SYNDIG1: variants seen among roughly 807,000 people sequenced by gnomAD.
SYNDIG1 encodes synapse differentiation inducing 1.
A neutral mutation model predicts 19.4 loss-of-function variants in SYNDIG1; 9 were observed. The observed-to-expected ratio is 0.46, with a 90% CI of 0.28 to 0.81. The LOEUF (loss-of-function observed/expected upper bound fraction) is 0.81. SYNDIG1 is among the 30% of genes least tolerant of loss of function. The pLI, the probability that SYNDIG1 is intolerant of heterozygous loss-of-function variation, is 0.12. For synonymous variants in SYNDIG1, 141 were observed against 145.9 expected, an observed-to-expected ratio of 0.97 and a Z score of 0.24; for missense variants, 311 against 343.3, an observed-to-expected ratio of 0.91 and a Z score of 0.74.
chr20:24,650,514 C>T (rs1299636529), intron 3 of SYNDIG1, among the ~76,000 whole-genome samples: 1 of 152,168 alleles, frequency 6.6e-6, no homozygotes, highest in Non-Finnish European at 1.5e-5. Context: ...GAAACATTTC[C>T]ATTCTTTTTT....
At chr20:24,631,207 G>A (rs1426782762) in intron 3 of SYNDIG1, among the ~76,000 whole-genome samples, 1 of 152,250 alleles carries the variant, frequency 6.6e-6, no homozygotes, top group Admixed American at 6.5e-5. Flanking sequence ...GGAAATTAGA[G>A]AACAGGCTCA....
At chr20:24,620,756 A>G (rs779962194) in intron 3 of SYNDIG1, among the ~76,000 whole-genome samples, 8 of 152,258 alleles carry the variant, frequency 5.3e-5, no homozygotes, top group African/African-American at 9.6e-5. Context: ...AAAGAAAACT[A>G]TACACATAAC....
chr20:24,577,818 G>C (rs1398911068), intron 2 of SYNDIG1, among the ~76,000 whole-genome samples: 1 of 152,232 alleles, frequency 6.6e-6, no homozygotes, highest in Admixed American at 6.5e-5. Flanking sequence ...GTAAATGATG[G>C]TGAAGATGTA....
chr20:24,547,182 C>T (rs78049480), intron 2 of SYNDIG1, among the ~76,000 whole-genome samples: 1,920 of 152,228 alleles, frequency 0.013, 45 homozygotes, highest in African/African-American at 0.044. Flanking sequence ...TGGTTCTGAG[C>T]GGGGCTCCCT....
intron 3 of SYNDIG1, among the ~76,000 whole-genome samples, chr20:24,633,376 G>A (rs2059274293): frequency 6.6e-6 from 1 of 152,200 alleles, no homozygotes; most frequent in Admixed American, 6.5e-5. Flanking sequence ...TGATGCCCCT[G>A]CTGTGCCCCT....
intron 3 of SYNDIG1, among the ~76,000 whole-genome samples, chr20:24,632,165 G>C (rs1568702740): frequency 1.3e-5 from 2 of 152,240 alleles, no homozygotes; most frequent in African/African-American, 4.8e-5. Flanking sequence ...GGGCAGGGAG[G>C]AGTTTGGAAG....
intron 2 of SYNDIG1, among the ~76,000 whole-genome samples, chr20:24,554,700 G>T (rs1419540851): frequency 3.3e-5 from 5 of 151,752 alleles, no homozygotes; most frequent in Non-Finnish European, 5.9e-5. Flanking sequence ...GCTGGATTCG[G>T]TTTGCCAGTA....
At chr20:24,600,986 A>G (rs939009404) in intron 3 of SYNDIG1, among the ~76,000 whole-genome samples, 1 of 152,186 alleles carries the variant, frequency 6.6e-6, no homozygotes, top group African/African-American at 2.4e-5. Context: ...TCTTGTATCA[A>G]CGGAAAAATT....
intron 3 of SYNDIG1, among the ~76,000 whole-genome samples, chr20:24,610,252 T>A (rs962991355): frequency 6.6e-6 from 1 of 152,232 alleles, no homozygotes; most frequent in African/African-American, 2.4e-5. Flanking sequence ...CCTGTGATAA[T>A]TTTGAATAAT....
intron 1 of SYNDIG1, among the ~76,000 whole-genome samples, chr20:24,516,827 C>A (rs889098670): frequency 2.6e-5 from 4 of 151,950 alleles, no homozygotes; most frequent in Admixed American, 1.3e-4. Flanking sequence ...GGTATGTACC[C>A]AAAGGATTAT....
At chr20:24,660,955 C>T (rs1742417098) in intron 3 of SYNDIG1, among the ~76,000 whole-genome samples, 1 of 152,226 alleles carries the variant, frequency 6.6e-6, no homozygotes, top group Non-Finnish European at 1.5e-5. Flanking sequence ...TGGTCACCCG[C>T]CCGCAGTGCT....
chr20:24,577,579 A>T (rs2058250098), intron 2 of SYNDIG1, among the ~76,000 whole-genome samples: 1 of 152,198 alleles, frequency 6.6e-6, no homozygotes, highest in Non-Finnish European at 1.5e-5. Flanking sequence ...CACACCTGTG[A>T]TGTGGACAGA....
chr20:24,536,432 T>A (rs1381936363), intron 1 of SYNDIG1, among the ~76,000 whole-genome samples: 1 of 152,046 alleles, frequency 6.6e-6, no homozygotes, highest in Non-Finnish European at 1.5e-5. Flanking sequence ...GCCACCCCAT[T>A]CAGGAGACCC....
chr20:24,498,221 C>A (rs1398174799), intron 1 of SYNDIG1, among the ~76,000 whole-genome samples: 1 of 152,198 alleles, frequency 6.6e-6, no homozygotes, highest in Non-Finnish European at 1.5e-5. Context: ...CATCAACATA[C>A]TTTGTGCCAT....
intron 1 of SYNDIG1, among the ~76,000 whole-genome samples, chr20:24,542,173 C>T (rs1017955544): frequency 5.2e-5 from 5 of 96,060 alleles, no homozygotes; most frequent in Non-Finnish European, 1.0e-4. Context: ...TGAAAAAATT[C>T]ACTTCAATAA....
intron 3 of SYNDIG1, among the ~76,000 whole-genome samples, chr20:24,616,452 G>T (rs1054519183): frequency 6.6e-6 from 1 of 152,220 alleles, no homozygotes; most frequent in Non-Finnish European, 1.5e-5. Flanking sequence ...AAGGAAATAA[G>T]CTCCCATTCC....
chr20:24,475,283 C>G (rs2055586411), intron 1 of SYNDIG1, among the ~76,000 whole-genome samples: 1 of 152,186 alleles, frequency 6.6e-6, no homozygotes. Context: ...TTTAGGGTAG[C>G]CCCCAGGGAA....
At chr20:24,510,978 G>A (rs188175563) in intron 1 of SYNDIG1, among the ~76,000 whole-genome samples, 1 of 152,082 alleles carries the variant, frequency 6.6e-6, no homozygotes, top group Non-Finnish European at 1.5e-5. Context: ...CTCATCCATC[G>A]TGTCTTAAAT....
intron 3 of SYNDIG1, among the ~76,000 whole-genome samples, chr20:24,662,502 G>A (rs138844972): frequency 2.0e-4 from 31 of 152,252 alleles, no homozygotes; most frequent in South Asian, 4.2e-4. Flanking sequence ...CAGCCCTGCC[G>A]ATGGAGCCCA....
Sources: gnomAD v4.1 joint callset for allele counts (sites outside exome capture counted in the v4.1 genomes callset) on GRCh38, gnomAD v4.1.1 for gene constraint, MANE v1.5 for transcripts, NCBI Gene and HGNC (gene_info 2026-07-23, HGNC 2026-07-21) for gene names.